The following MTMR10 variants were observed in gnomAD, a reference collection of about 807,000 sequenced individuals.
MTMR10 encodes the protein myotubularin-related protein 10.
A neutral mutation model predicts 88.1 loss-of-function variants in MTMR10; 56 were observed. The ratio of observed to expected loss-of-function variants is 0.64; its 90% CI spans 0.51 to 0.79. MTMR10 has a LOEUF of 0.79. MTMR10 is among the 30% of genes least tolerant of loss of function. The pLI, the probability that MTMR10 is intolerant of heterozygous loss-of-function variation, is 0.00. For missense variants in MTMR10, 883 were observed against 924.7 expected (o/e 0.95, Z 0.58); for synonymous variants, 380 against 340.9 (o/e 1.11, Z -1.26).
At chr15:30,948,559 T>A (rs541395349) in intron 12 of MTMR10, 88 bp from the exon 13 acceptor site, 6 of 1,343,224 alleles carry the variant, frequency 4.5e-6, no homozygotes, top group Non-Finnish European at 5.1e-6. Context: ...TAATTTAGTA[T>A]TCTGCACACC....
At chr15:30,972,322 T>C (rs1380912312) in intron 5 of MTMR10, among the ~76,000 whole-genome samples, 4 of 152,184 alleles carry the variant, frequency 2.6e-5, no homozygotes, top group African/African-American at 7.2e-5. Flanking sequence ...CTGTTTGAAA[T>C]GCGTAAATCC....
At chr15:30,981,394 C>T (rs1174574522) in intron 2 of MTMR10, among the ~76,000 whole-genome samples, 1 of 152,254 alleles carries the variant, frequency 6.6e-6, no homozygotes, top group African/African-American at 2.4e-5. Context: ...TCACCAATAA[C>T]CAATCATGTT....
chr15:30,937,367 T>A, downstream of MTMR10: 1 of 1,083,010 alleles, frequency 9.2e-7, no homozygotes, highest in African/African-American at 1.6e-5. Context: ...ATAGTTTGAC[T>A]TGTCATTTTA....
At chr15:30,966,065 A>G (rs192515170) in intron 6 of MTMR10, 1 of 455,164 alleles carries the variant, frequency 2.2e-6, no homozygotes, top group Non-Finnish European at 4.4e-6. Flanking sequence ...AAGGATATTA[A>G]AGGATGTTAC....
intron 15 of MTMR10, chr15:30,942,647 A>G (rs2063092573): frequency 2.1e-6 from 1 of 468,136 alleles, no homozygotes; most frequent in Non-Finnish European, 3.7e-6. Flanking sequence ...GGCTTTAGTA[A>G]ATCAGGCTTG....
chr15:30,970,959 A>G (rs2063531143), intron 5 of MTMR10, among the ~76,000 whole-genome samples: 1 of 152,184 alleles, frequency 6.6e-6, no homozygotes, highest in African/African-American at 2.4e-5. Context: ...TTTCAAGTGT[A>G]TAACTTATGT....
At chr15:30,950,255 ACT>A in intron 12 of MTMR10, 1 of 139,298 alleles carries the variant, frequency 7.2e-6, no homozygotes, top group South Asian at 2.2e-4. Context: ...TTAAACACAC[ACT>A]CTGACTGTAT....
At chr15:30,952,174 CATG>C (rs1330435393) in intron 11 of MTMR10, 136 bp from the exon 12 acceptor site, 7 of 761,818 alleles carry the variant, frequency 9.2e-6, no homozygotes, top group African/African-American at 7.0e-5. Context: ...ACTCATGACC[CATG>C]ATAACCCACT....
chr15:30,976,149 C>T (rs978567262), intron 3 of MTMR10, among the ~76,000 whole-genome samples: 9 of 150,618 alleles, frequency 6.0e-5, no homozygotes, highest in Admixed American at 2.0e-4. Context: ...GGCCTGTACT[C>T]TGGCACTTTG....
chr15:30,959,143 A>T lies in MTMR10; in HGVS notation c.759-22T>A, dbSNP rs780376186. The T allele has an allele frequency of 3.9e-6, 6 of 1,549,712 alleles. No homozygotes were observed. In the Admixed American group the frequency reaches 1.2e-4, roughly 30 times the overall value. ...AAGGCTGGAGGGGAAAAAAAAAATT[A>T]TATGAGTGCTGTGCTAAAAGCAGGA... is the stretch of plus-strand genomic sequence containing the variant. On this transcript the variant is annotated intron_variant, in intron 7 of 15. Coordinates refer to ENST00000435680, the MANE Select transcript of MTMR10 (RefSeq NM_017762.3).
the MTMR10 span, among the ~76,000 whole-genome samples, chr15:30,923,710 G>C: frequency 6.6e-6 from 1 of 152,212 alleles, no homozygotes; most frequent in African/African-American, 2.4e-5. Context: ...CCAGCGAACA[G>C]GGTGCCCTTC....
At chr15:30,958,126 T>A (rs1270699174) in intron 9 of MTMR10, among the ~76,000 whole-genome samples, 1 of 152,180 alleles carries the variant, frequency 6.6e-6, no homozygotes, top group African/African-American at 2.4e-5. Context: ...GACCTCCATG[T>A]AGAAGTCAAG....
chr15:30,970,799 T>A (rs565759437), intron 5 of MTMR10, among the ~76,000 whole-genome samples: 1 of 152,066 alleles, frequency 6.6e-6, no homozygotes, highest in Non-Finnish European at 1.5e-5. Flanking sequence ...CAATATCACA[T>A]CAGGTTAGGA....
the MTMR10 span, chr15:30,922,190 A>G: frequency 1.9e-6 from 3 of 1,590,606 alleles, no homozygotes; most frequent in Non-Finnish European, 2.6e-6. Flanking sequence ...TTGCAGCTGG[A>G]TTTTTTGTGA....
chr15:30,942,721 G>A (rs1364772170), intron 15 of MTMR10, 169 bp downstream of exon 15: 1 of 672,112 alleles, frequency 1.5e-6, no homozygotes, highest in South Asian at 2.8e-5. Context: ...CAGACACCAG[G>A]AAGAAAGCTG....
the MTMR10 span, chr15:30,922,288 C>A: frequency 2.5e-5 from 40 of 1,614,044 alleles, no homozygotes; most frequent in Non-Finnish European, 3.4e-5. Flanking sequence ...ATTGTCCTGA[C>A]AGCAGAGGCC....
intron 3 of MTMR10, among the ~76,000 whole-genome samples, chr15:30,976,421 A>C (rs904654331): frequency 6.6e-6 from 1 of 152,194 alleles, no homozygotes; most frequent in Non-Finnish European, 1.5e-5. Context: ...AAAACAAAAA[A>C]ATCAAAAACC....
chr15:30,968,194 G>T (rs953813326), intron 5 of MTMR10, 184 bp from the exon 6 acceptor site: 2 of 439,316 alleles, frequency 4.6e-6, no homozygotes, highest in Admixed American at 4.1e-5. Flanking sequence ...TCACTTTCAT[G>T]CCCTCAAGAC....
At chr15:30,953,691 G>A (rs2063282535) in intron 10 of MTMR10, 60 bp from the exon 11 acceptor site, 9 of 1,086,314 alleles carry the variant, frequency 8.3e-6, no homozygotes, top group Non-Finnish European at 9.4e-6. Flanking sequence ...CCCTATCAGA[G>A]TAAAGAGATA....
Sources: gnomAD v4.1 joint callset for allele counts (sites outside exome capture counted in the v4.1 genomes callset) on GRCh38, gnomAD v4.1.1 for gene constraint, MANE v1.5 for transcripts, NCBI Gene and HGNC (gene_info 2026-07-23, HGNC 2026-07-21) for gene names.